The following FGGY variants were observed in gnomAD, a reference collection of about 807,000 sequenced individuals.
The protein encoded by FGGY is FGGY carbohydrate kinase domain-containing protein.
A neutral mutation model predicts 71.3 loss-of-function variants in FGGY; 72 were observed. The observed-to-expected ratio is 1.01, with a 90% confidence interval of 0.84 to 1.23. The LOEUF is 1.23. Ranked by LOEUF, FGGY falls within the 50% of genes most tolerant of loss-of-function variation. The pLI is 0.00. For synonymous variants in FGGY, 251 were observed against 250.3 expected, an observed-to-expected ratio of 1.00 and a Z score of -0.02; for missense variants, 668 against 682.3, an observed-to-expected ratio of 0.98 and a Z score of 0.23.
chr1:59,695,608 A>T (rs932429422), intron 14 of FGGY, among the ~76,000 whole-genome samples: 1 of 152,242 alleles, frequency 6.6e-6, no homozygotes, highest in Admixed American at 6.5e-5. Flanking sequence ...TCCTCAGTTT[A>T]CAAATGAGAA....
intron 12 of FGGY, among the ~76,000 whole-genome samples, chr1:59,664,997 T>C (rs949157272): frequency 4.6e-5 from 7 of 152,106 alleles, no homozygotes; most frequent in African/African-American, 1.7e-4. Flanking sequence ...ATATGTGAAA[T>C]GCCTAAATGC....
In FGGY at chr1:59,757,981, A is replaced by G. The variant is rs1276411737; in HGVS notation, c.1563A>G (p.Leu521=). The change falls in exon 15 of 16, where the codon CTA becomes CTG. Residue 521 remains leucine, a synonymous_variant. Transcript: ENST00000303721. The part of the protein sequence containing the change: ...SKVGKVVFPR[L]QDKKYYDKKY... ...TTGGGAAAGTTGTGTTCCCGAGACT[A>G]CAGGATAAAAAGTAAGTGTGTATTT... The G allele has an allele frequency of 6.2e-6, 10 of 1,612,504 alleles. No individual in the cohort carries two copies. Among genetic ancestry groups the G allele is most frequent in the African/African-American group, 1.3e-5 (1 of 74,926 alleles).
At chr1:59,633,587 G>A (rs2096928859) in intron 10 of FGGY, among the ~76,000 whole-genome samples, 1 of 152,202 alleles carries the variant, frequency 6.6e-6, no homozygotes, top group African/African-American at 2.4e-5. Flanking sequence ...GTTTTAGATG[G>A]TGTGGGAGTA....
chr1:59,532,642 C>T (rs181597169), intron 7 of FGGY, among the ~76,000 whole-genome samples: 287 of 151,952 alleles, frequency 1.9e-3, no homozygotes, highest in Admixed American at 3.0e-3. Context: ...TGGCAAACTA[C>T]GAGTAGAAAG....
chr1:59,386,327 A>G (rs938064132), intron 5 of FGGY, among the ~76,000 whole-genome samples: 4 of 152,046 alleles, frequency 2.6e-5, no homozygotes, highest in Non-Finnish European at 5.9e-5. Flanking sequence ...GGTCATGTAT[A>G]TTGTTGGATG....
intron 5 of FGGY, among the ~76,000 whole-genome samples, chr1:59,425,373 T>C (rs1392348157): frequency 6.6e-6 from 1 of 152,222 alleles, no homozygotes. Context: ...TCTTTACTTT[T>C]TTAACATTGG....
intron 9 of FGGY, among the ~76,000 whole-genome samples, chr1:59,614,707 T>C (rs868497925): frequency 3.2e-4 from 48 of 152,164 alleles, no homozygotes; most frequent in African/African-American, 1.1e-3. Flanking sequence ...GGAAGTCAAA[T>C]TTTTCCTGTT....
At position 59,577,934 on chromosome 1, in the gene FGGY, G is replaced by C. The variant is rs180861899; in HGVS notation, c.903+23707G>C. Among the ~76,000 whole-genome samples, 802 of 152,240 alleles carry C rather than the reference G, an allele frequency of 5.3e-3. 6 individuals are homozygous for C. The highest frequency in any genetic ancestry group is 6.9e-3 in the Non-Finnish European group (470 of 68,020). ...CTCTCTGTTTCAGCCACATGTAACA[G>C]AATGTTACCATAGGGCTCTTCCTAT... On this transcript the variant is annotated intron_variant, in intron 8 of 15. Transcript: ENST00000303721.
intron 8 of FGGY, among the ~76,000 whole-genome samples, chr1:59,596,020 A>C (rs1186982886): frequency 6.6e-6 from 1 of 152,154 alleles, no homozygotes; most frequent in Admixed American, 6.5e-5. Context: ...CAGTGTTTAC[A>C]TACCTTACAT....
At chr1:59,607,948 TTA>T in intron 9 of FGGY, 38 bp downstream of exon 9, 1 of 1,531,656 alleles carries the variant, frequency 6.5e-7, no homozygotes, top group Non-Finnish European at 9.0e-7. Context: ...ATGGATGTTT[TTA>T]TGTCATTGAT....
chr1:59,757,366 G>A (rs989030476), intron 14 of FGGY, among the ~76,000 whole-genome samples: 3 of 152,162 alleles, frequency 2.0e-5, no homozygotes, highest in African/African-American at 7.2e-5. Flanking sequence ...ATGTCCTGAA[G>A]TCACATTCCA....
In FGGY at chr1:59,307,313, CAA is replaced by C. The variant is rs398049311; in HGVS notation, c.-15+10187_-15+10188del. On this transcript the variant is annotated intron_variant, in intron 1 of 15. Transcript: ENST00000303721. Reference sequence around the variant, plus strand: ...TGGGTGATAGAGTGAGACCCTGTCTCAAAAAAAAAAAAAAAAAAAAAAAAATC... The same window carrying C: ...TGGGTGATAGAGTGAGACCCTGTCTCAAAAAAAAAAAAAAAAAAAAAAATC... 9.2e-3 allele frequency among the ~76,000 whole-genome samples: 620 copies of C among 67,356 alleles called. 1 individual carries two copies. The highest frequency in any genetic ancestry group is 0.028 in the Middle Eastern group (4 of 144). 44.2% of individuals were successfully genotyped at this position (67,356 alleles called of 152,430 possible). A position where few individuals can be genotyped will look rare whatever the true frequency, so the allele number is the denominator to read the frequency against.
chr1:59,357,033 C>T (rs1361950279), intron 4 of FGGY, among the ~76,000 whole-genome samples: 1 of 152,158 alleles, frequency 6.6e-6, no homozygotes, highest in Non-Finnish European at 1.5e-5. Flanking sequence ...CCAGATTCCT[C>T]CCAGCCTTTG....
At chr1:59,738,854 C>T (rs1319122055) in intron 14 of FGGY, among the ~76,000 whole-genome samples, 3 of 152,326 alleles carry the variant, frequency 2.0e-5, no homozygotes, top group Non-Finnish European at 4.4e-5. Flanking sequence ...CCCAAGGTCA[C>T]ACCACAGGAA....
chr1:59,601,730 T>C (rs115484880), intron 8 of FGGY, among the ~76,000 whole-genome samples: 181 of 152,352 alleles, frequency 1.2e-3, no homozygotes, highest in African/African-American at 4.1e-3. Flanking sequence ...ACATCACTTA[T>C]TGGCTCTGAT....
chr1:59,621,850 A>C (rs558124522), intron 9 of FGGY, among the ~76,000 whole-genome samples: 10 of 151,950 alleles, frequency 6.6e-5, no homozygotes, highest in Non-Finnish European at 1.5e-4. Flanking sequence ...CAAGTTTGGG[A>C]AATTTTCAGC....
chr1:59,658,306 C>G (rs559600577), intron 11 of FGGY, among the ~76,000 whole-genome samples: 2 of 152,274 alleles, frequency 1.3e-5, no homozygotes, highest in South Asian at 4.1e-4. Flanking sequence ...GCTTAGGTCT[C>G]TGGGAAACTT....
At chr1:59,342,121 T>C (rs2153207968) in intron 3 of FGGY, among the ~76,000 whole-genome samples, 1 of 152,320 alleles carries the variant, frequency 6.6e-6, no homozygotes, top group South Asian at 2.1e-4. Flanking sequence ...TGTTTACTTA[T>C]TTATTTTTAT....
intron 5 of FGGY, among the ~76,000 whole-genome samples, chr1:59,446,127 C>G (rs1252175971): frequency 6.6e-6 from 1 of 152,190 alleles, no homozygotes; most frequent in Non-Finnish European, 1.5e-5. Context: ...TTCCTGCTTT[C>G]TCTCATATTG....
Sources: gnomAD v4.1 joint callset for allele counts (sites outside exome capture counted in the v4.1 genomes callset) on GRCh38, gnomAD v4.1.1 for gene constraint, MANE v1.5 for transcripts, NCBI Gene and HGNC (gene_info 2026-07-23, HGNC 2026-07-21) for gene names.